AHRR: variants seen among roughly 807,000 people sequenced by gnomAD.
AHRR encodes ahR repressor.
In AHRR, 28 loss-of-function variants were observed where a neutral mutation model predicts 44.0. The observed-to-expected ratio is 0.64, with a 90% confidence interval of 0.47 to 0.87. AHRR has a LOEUF of 0.87. Among genes scored for constraint, AHRR ranks in the 40% least tolerant of loss-of-function variants. The pLI is 0.00. For missense variants in AHRR, 990 were observed against 953.9 expected (o/e 1.04, Z -0.50); for synonymous variants, 434 against 407.0 (o/e 1.07, Z -0.80).
chr5:328,874 G>A (rs767979414), intron 1 of AHRR, among the ~76,000 whole-genome samples: 8 of 152,110 alleles, frequency 5.3e-5, no homozygotes, highest in Non-Finnish European at 1.2e-4. Flanking sequence ...TTCTTTTGCT[G>A]TGCAGAAGGT....
In AHRR at chr5:404,939, C is replaced by T. The variant is rs1244539961; in HGVS notation, c.352-8405C>T. 8.5e-5 allele frequency among the ~76,000 whole-genome samples: 13 copies of T among 152,124 alleles called. No homozygotes were observed. The highest frequency in any genetic ancestry group is 1.2e-4 in the Non-Finnish European group (8 of 68,018). On this transcript the variant is annotated intron_variant, in intron 4 of 10. Transcript: ENST00000684583. This position sits in a 1 kb window ranked among gnomAD's most constrained non-coding sequence, Gnocchi z 4.1. ...GGCACGAGGCTGTCTTCACACTCCC[C>T]GCGGGGTCCATTTCATGTCCTGCTG... is the stretch of plus-strand genomic sequence containing the variant.
chr5:393,916 C>T (rs1734584311), intron 4 of AHRR, among the ~76,000 whole-genome samples: 1 of 152,238 alleles, frequency 6.6e-6, no homozygotes, highest in Non-Finnish European at 1.5e-5. Context: ...GCGTGAGCCG[C>T]TGCGCCCGGC....
chr5:374,446 C>G (rs1877841), intron 3 of AHRR, among the ~76,000 whole-genome samples: 2 of 152,342 alleles, frequency 1.3e-5, no homozygotes, highest in South Asian at 4.1e-4. Context: ...GGGCAGGAGG[C>G]TAGGATGCTG....
chr5:395,456 G>A lies in AHRR; in HGVS notation c.352-17888G>A, dbSNP rs1237029935. Among the ~76,000 whole-genome samples the A allele has an allele frequency of 6.6e-6, 1 of 152,230 alleles. No individual in the cohort carries two copies. Among genetic ancestry groups the A allele is most frequent in the Non-Finnish European group, 1.5e-5 (1 of 68,038 alleles). ...AATCTCACCAGTTCCCTGAAACAGA[G>A]CTTCTCAGCTCCAGGACTGGACAGG... On this transcript the variant is annotated intron_variant, in intron 4 of 10. Transcript: ENST00000684583. The surrounding 1 kb of genome is among the most constrained non-coding windows in gnomAD (Gnocchi z 5.3).
chr5:415,167 G>A (rs1054857520), intron 5 of AHRR, among the ~76,000 whole-genome samples: 11 of 152,250 alleles, frequency 7.2e-5, no homozygotes, highest in Admixed American at 1.3e-4. Context: ...GTGACACTGC[G>A]GGGTGCACAC....
rs1381984540 is a variant in AHRR at position 415,251 on chromosome 5, TTCACGCTGAGCC to T, written c.441+1819_441+1830del. On this transcript the variant is annotated intron_variant, in intron 5 of 10. Coordinates refer to ENST00000684583, the MANE Select transcript of AHRR (RefSeq NM_001377236.1). ...CGAGGAAAGGGTCCCAGAGCCAGCA[TTCACGCTGAGCC>T]AGAGGCAGCACACGGTGATTAAAGC... Among the ~76,000 whole-genome samples, 4 of 152,340 alleles carry T rather than the reference TTCACGCTGAGCC, an allele frequency of 2.6e-5. No individual in the cohort carries two copies. The East Asian group carries it at 7.7e-4, about 29-fold the overall frequency.
rs923796107 is a variant in AHRR, at chr5:343,248, C to T, written c.-10-645C>T. The stretch of plus-strand genomic sequence containing the variant: ...AAACACGGGACCCCACATACCTTCT[C>T]GGGGTGACAGGAACACGGGACCCCA... On this transcript the variant is annotated intron_variant, in intron 1 of 10. Coordinates refer to ENST00000684583, the MANE Select transcript of AHRR (RefSeq NM_001377236.1). Among the ~76,000 whole-genome samples, 36 of 128,754 alleles carry T rather than the reference C, an allele frequency of 2.8e-4. 1 individual carries two copies. The highest frequency in any genetic ancestry group is 9.3e-4 in the African/African-American group (35 of 37,736). The allele number at this position is 128,754 out of a possible 152,430, so 84.5% of individuals were successfully genotyped here. A position where few individuals can be genotyped will look rare whatever the true frequency, so the allele number is the denominator to read the frequency against.
intron 10 of AHRR, 51 bp downstream of exon 10, chr5:432,998 C>A: frequency 6.6e-7 from 1 of 1,513,656 alleles, no homozygotes; most frequent in East Asian, 2.3e-5. Flanking sequence ...CCTAAGTCAC[C>A]GTGGAGGCCA....
intron 1 of AHRR, among the ~76,000 whole-genome samples, chr5:323,524 C>T (rs1490434967): frequency 6.6e-6 from 1 of 152,216 alleles, no homozygotes; most frequent in Non-Finnish European, 1.5e-5. Flanking sequence ...ACTACTTTAT[C>T]TTGATCCTTG....
At chr5:421,909 G>A (rs368864495) in intron 5 of AHRR, among the ~76,000 whole-genome samples, 6 of 152,178 alleles carry the variant, frequency 3.9e-5, no homozygotes, top group Non-Finnish European at 7.3e-5. Flanking sequence ...AGAACCACTT[G>A]GTTATTATCA....
intron 4 of AHRR, among the ~76,000 whole-genome samples, chr5:393,672 C>G (rs1290740836): frequency 6.6e-6 from 1 of 152,100 alleles, no homozygotes; most frequent in Admixed American, 6.5e-5. Context: ...GAGTCTCACT[C>G]TGTTTCCCAG....
chr5:423,816 G>GC, intron 6 of AHRR, 25 bp from the exon 7 acceptor site: 2 of 1,573,146 alleles, frequency 1.3e-6, no homozygotes, highest in Non-Finnish European at 1.7e-6. Context: ...CCACCGCCAC[G>GC]CCCCTTGGCC....
chr5:347,708 G>A lies in AHRR; in HGVS notation c.62+3744G>A, dbSNP rs116797758. On this transcript the variant is annotated intron_variant, in intron 2 of 10. Coordinates refer to ENST00000684583, the MANE Select transcript of AHRR (RefSeq NM_001377236.1). Reference sequence around the variant, plus strand: ...AGCATGGGCATCTGTGAAGGCTGCCGTGTCTTTCTCCATGGAGGGGCTGCT... The same window carrying A: ...AGCATGGGCATCTGTGAAGGCTGCCATGTCTTTCTCCATGGAGGGGCTGCT... Among the ~76,000 whole-genome samples, 1,237 of 152,332 alleles carry A rather than the reference G, an allele frequency of 8.1e-3. 17 individuals are homozygous for A. The highest frequency in any genetic ancestry group is 0.024 in the African/African-American group (1,017 of 41,578).
intron 2 of AHRR, among the ~76,000 whole-genome samples, chr5:347,426 CCTTA>C (rs761897590): frequency 6.6e-6 from 1 of 152,116 alleles, no homozygotes; most frequent in Non-Finnish European, 1.5e-5. Flanking sequence ...GGAAGATCTC[CCTTA>C]CTTCAAGTTT....
intron 4 of AHRR, among the ~76,000 whole-genome samples, chr5:376,928 G>A (rs563063465): frequency 1.2e-3 from 177 of 152,288 alleles, no homozygotes; most frequent in Non-Finnish European, 1.8e-3. Flanking sequence ...TGTGAGCCTC[G>A]TAGGCTGGGA....
At chr5:375,310 C>T (rs937524721) in intron 3 of AHRR, among the ~76,000 whole-genome samples, 1 of 152,204 alleles carries the variant, frequency 6.6e-6, no homozygotes, top group African/African-American at 2.4e-5. Flanking sequence ...TGAGGCGGTG[C>T]CCCTCAAACT....
chr5:350,054 T>C (rs761394793), intron 2 of AHRR, among the ~76,000 whole-genome samples: 7 of 152,232 alleles, frequency 4.6e-5, no homozygotes, highest in African/African-American at 4.8e-5. Flanking sequence ...AACTCAGTAA[T>C]GTAGGTCCCC....
chr5:420,981 A>C (rs1736080474), intron 5 of AHRR: 2 of 315,066 alleles, frequency 6.3e-6, no homozygotes, highest in Non-Finnish European at 1.1e-5. Context: ...AACAGCCAAA[A>C]TATACACGAT....
At chr5:334,011 GT>G (rs1011231499) in intron 1 of AHRR, among the ~76,000 whole-genome samples, 11 of 152,116 alleles carry the variant, frequency 7.2e-5, no homozygotes, top group Admixed American at 1.3e-4. Context: ...TTGGCCGAAA[GT>G]TTTTTTCTTG....
Sources: allele counts gnomAD v4.1 joint callset (sites outside exome capture counted in the v4.1 genomes callset), GRCh38; gene constraint gnomAD v4.1.1; non-coding constraint Gnocchi (gnomAD v3.1); transcripts MANE v1.5; gene names NCBI Gene and HGNC (gene_info 2026-07-23, HGNC 2026-07-21).